Variants in ATP5MC3 observed in about 807,000 individuals in gnomAD.
The protein encoded by ATP5MC3 is ATP synthase F(0) complex subunit C3, mitochondrial.
Under a neutral mutation model 15.6 loss-of-function variants are expected in ATP5MC3, and 6 were observed. The ratio of observed to expected loss-of-function variants is 0.38; its 90% CI spans 0.21 to 0.76. ATP5MC3 has a LOEUF of 0.76. Ranked by LOEUF, ATP5MC3 falls within the 30% of genes least tolerant of loss-of-function variation. ATP5MC3 has a pLI of 0.44. For synonymous variants in ATP5MC3, 66 were observed against 63.3 expected, an observed-to-expected ratio of 1.04 and a Z score of -0.20; for missense variants, 132 against 171.2, an observed-to-expected ratio of 0.77 and a Z score of 1.28.
At position 175,179,026 on chromosome 2, in the gene ATP5MC3, T is replaced by G. The variant is rs767281917; in HGVS notation, c.314+31A>C. 8.1e-6 allele frequency: 13 copies of G among 1,602,732 alleles called. 1 individual carries two copies. The highest frequency in any genetic ancestry group is 1.1e-5 in the Non-Finnish European group (13 of 1,174,298). On this transcript the variant is annotated intron_variant, in intron 4 of 4. Coordinates refer to ENST00000284727, the MANE Select transcript of ATP5MC3 (RefSeq NM_001689.5). ...AAGTTTCCAACTACTGCAAGCATGC[T>G]CTTAACTTATTTAGGGATAGAAATG...
intron 2 of ATP5MC3, among the ~76,000 whole-genome samples, chr2:175,181,017 C>T (rs1342259945): frequency 2.0e-5 from 3 of 152,334 alleles, no homozygotes; most frequent in Non-Finnish European, 2.9e-5. Flanking sequence ...CCTACATCCT[C>T]TGCAGTACTC....
At chr2:175,179,470 T>C (rs1010981417) in intron 3 of ATP5MC3, among the ~76,000 whole-genome samples, 2 of 152,174 alleles carry the variant, frequency 1.3e-5, no homozygotes, top group African/African-American at 2.4e-5. Context: ...TATATAAATA[T>C]GCTTTTAAAT....
Position 175,181,411 on chromosome 2 carries a change from T to C in ATP5MC3, c.-18A>G, listed in dbSNP as rs200125762. ...GCGAACATCTTACACTCTTCGGGACTGCGCGGCTGGAGATATTGGGTGACA... is the reference window on the plus strand; with the variant it reads ...GCGAACATCTTACACTCTTCGGGACCGCGCGGCTGGAGATATTGGGTGACA... On this transcript the variant is annotated 5_prime_UTR_variant, in exon 2 of 5. Transcript: ENST00000284727. 5.0e-6 allele frequency: 8 copies of C among 1,613,242 alleles called. No homozygotes were observed. In the African/African-American group the frequency reaches 6.7e-5, roughly 13 times the overall value.
chr2:175,179,089 T>C lies in ATP5MC3; in HGVS notation c.282A>G (p.Thr94=), dbSNP rs1350107138. The change falls in exon 4 of 5, where the codon ACA becomes ACG. Residue 94 remains threonine (T), a synonymous_variant. Coordinates refer to ENST00000284727, the MANE Select transcript of ATP5MC3 (RefSeq NM_001689.5). ...AACCAATGATAAGGCTGCCAAAGAC[T>C]GTTCCAATACCAGCACCAGAACCAG... ...GVAGSGAGIG[T]VFGSLIIGYA... is the part of the protein sequence containing the mutation. 6.2e-7 allele frequency: 1 copy of C among 1,614,170 alleles called. No individual in the cohort carries two copies. The highest frequency in any genetic ancestry group is 8.5e-7 in the Non-Finnish European group (1 of 1,180,030).
rs1218913726 is a variant in ATP5MC3 at position 175,179,185 on chromosome 2, G to T, written c.186C>A (p.Thr62=). ...TATCAATGTCTCTGCTGATTGCACT[G>T]GTCTGAAACTCCCTTTGGATTAGCT... is the stretch of plus-strand genomic sequence containing the variant. ...VSQLIQREFQ[T]SAISRDIDTA... is the part of the protein sequence containing the mutation. Residue 62 remains threonine (T), a synonymous_variant, in exon 4 of 5, where the codon ACC becomes ACA. Coordinates refer to ENST00000284727, the MANE Select transcript of ATP5MC3 (RefSeq NM_001689.5). The T allele has an allele frequency of 1.9e-6, 3 of 1,614,140 alleles. No individual in the cohort carries two copies. The African/African-American group carries it at 4.0e-5, about 22-fold the overall frequency.
chr2:175,178,967 C>A, intron 4 of ATP5MC3, 90 bp downstream of exon 4: 1 of 1,529,168 alleles, frequency 6.5e-7, no homozygotes, highest in South Asian at 1.3e-5. Flanking sequence ...ACAGAGTAAG[C>A]ACTTAATGCA....
chr2:175,180,128 T>C lies in ATP5MC3; in HGVS notation c.90A>G (p.Leu30=). 1 of 1,601,708 alleles carries C rather than the reference T, an allele frequency of 6.2e-7. No individual in the cohort carries two copies. The highest frequency in any genetic ancestry group is 1.1e-5 in the South Asian group (1 of 87,792). The part of the protein sequence containing the change: ...VAYRPISASV[L]SRPEASRTGE... Reference sequence around the variant, plus strand: ...CAGTCCTACTAGCCTCTGGTCGAGATAACACTGATGCAGAAATTGGTCTGT... The same window carrying C: ...CAGTCCTACTAGCCTCTGGTCGAGACAACACTGATGCAGAAATTGGTCTGT... The change falls in exon 3 of 5, where the codon TTA becomes TTG. Residue 30 remains leucine (L), a synonymous_variant. Coordinates refer to ENST00000284727, the MANE Select transcript of ATP5MC3 (RefSeq NM_001689.5).
intron 2 of ATP5MC3, among the ~76,000 whole-genome samples, 178 bp downstream of exon 2, chr2:175,181,177 G>GA (rs1407489702): frequency 6.6e-6 from 1 of 152,278 alleles, no homozygotes; most frequent in Admixed American, 6.5e-5. Flanking sequence ...TAGTGGCAAG[G>GA]AGAGGGCTGA....
At chr2:175,179,989 G>T in intron 3 of ATP5MC3, 109 bp downstream of exon 3, 1 of 926,940 alleles carries the variant, frequency 1.1e-6, no homozygotes. Flanking sequence ...AAAAGGGTGG[G>T]AAAGACTTGC....
Position 175,181,555 on chromosome 2 carries a change from G to T in ATP5MC3, c.-73-89C>A. On this transcript the variant is annotated intron_variant, in intron 1 of 4. Transcript: ENST00000284727. ...CCGCAGGCTCCCGTGCACGCCGTCA[G>T]CTTGGGCCCCGTGCCCAGTGAGGCG... 3.5e-6 allele frequency: 3 copies of T among 845,542 alleles called. 1 individual carries two copies. Among genetic ancestry groups the T allele is most frequent in the Non-Finnish European group, 5.4e-6 (3 of 553,536 alleles). The allele number at this position is 845,542 out of a possible 1,614,324, so 52.4% of individuals were successfully genotyped here.
Position 175,178,327 on chromosome 2 carries a change from A to G in ATP5MC3, c.390T>C (p.Phe130=), listed in dbSNP as rs1338580288. ...GFALSEAMGL[F]CLMVAFLILF... is the part of the protein sequence containing the mutation. ...AAATCAAGAAAGCAACCATCAAACA[A>G]AAGAGACCCATAGCTTCAGACAAGG... Residue 130 remains phenylalanine (F), a synonymous_variant, in exon 5 of 5, where the codon TTT becomes TTC. Transcript: ENST00000284727. 4 of 1,612,332 alleles carry G rather than the reference A, an allele frequency of 2.5e-6. No individual in the cohort carries two copies. Among genetic ancestry groups the G allele is most frequent in the Non-Finnish European group, 3.4e-6 (4 of 1,179,564 alleles).
intron 3 of ATP5MC3, 29 bp from the exon 4 acceptor site, chr2:175,179,279 C>T (rs778395046): frequency 5.1e-6 from 8 of 1,572,212 alleles, no homozygotes; most frequent in East Asian, 4.5e-5. Flanking sequence ...AGGTAAAGGT[C>T]GTATCAGTAA....
chr2:175,179,392 C>T (rs978001930), intron 3 of ATP5MC3, 142 bp from the exon 4 acceptor site: 9 of 1,107,536 alleles, frequency 8.1e-6, no homozygotes, highest in Non-Finnish European at 9.7e-6. Context: ...TTAGAATAAT[C>T]TCACTCTTGT....
In ATP5MC3 at chr2:175,180,182, T is replaced by C. The variant is rs1347307050; in HGVS notation, c.40-4A>G. On this transcript the variant is annotated splice_polypyrimidine_tract_variant and splice_region_variant and intron_variant, in intron 2 of 4. Coordinates refer to ENST00000284727, the MANE Select transcript of ATP5MC3 (RefSeq NM_001689.5). ...CAACTCTGGATCCAGCTCGGATCTA[T>C]TAATGAAAAAAAAATAAAGATTTCA... 6.4e-7 allele frequency: 1 copy of C among 1,567,170 alleles called. No homozygotes were observed. Among genetic ancestry groups the C allele is most frequent in the Non-Finnish European group, 8.6e-7 (1 of 1,166,670 alleles).
At position 175,181,655 on chromosome 2, in the gene ATP5MC3, C is replaced by A; in HGVS notation, c.-74+1G>T. 2.0e-6 allele frequency: 1 copy of A among 491,674 alleles called. No individual in the cohort carries two copies. Among genetic ancestry groups the A allele is most frequent in the Non-Finnish European group, 3.6e-6 (1 of 279,384 alleles). 30.5% of individuals were successfully genotyped at this position (491,674 alleles called of 1,614,324 possible). On this transcript the variant is annotated splice_donor_variant, in intron 1 of 4. Coordinates refer to ENST00000284727, the MANE Select transcript of ATP5MC3 (RefSeq NM_001689.5). LOFTEE classifies it low-confidence loss of function (5UTR_SPLICE). ...CCGGGCTCCCTGTGCCCTCCACTTA[C>A]CTTCCCAGGAGGCGGCGGCGGCACG...
chr2:175,180,858 A>T (rs938830193), intron 2 of ATP5MC3, among the ~76,000 whole-genome samples: 2 of 152,184 alleles, frequency 1.3e-5, no homozygotes, highest in African/African-American at 4.8e-5. Flanking sequence ...AATACTCCAG[A>T]GGCAGGAAGA....
In ATP5MC3 at chr2:175,177,009, A is replaced by T. The variant is rs80154192; in HGVS notation, c.*1279T>A. 1.3e-5 allele frequency: 2 copies of T among 152,166 alleles called. No individual in the cohort carries two copies. The highest frequency in any genetic ancestry group is 1.3e-4 in the Admixed American group (2 of 15,268). The allele number at this position is 152,166 out of a possible 1,614,324, so 9.4% of individuals were successfully genotyped here. A position where few individuals can be genotyped will look rare whatever the true frequency, so the allele number is the denominator to read the frequency against. The stretch of plus-strand genomic sequence containing the variant: ...ATATAGACTAGATGATGAATCAACT[A>T]AAAACGAGGTAGCAGCTCTACCTCT... On this transcript the variant is annotated 3_prime_UTR_variant, in exon 5 of 5. Coordinates refer to ENST00000284727, the MANE Select transcript of ATP5MC3 (RefSeq NM_001689.5).
chr2:175,177,038 G>A lies in ATP5MC3; in HGVS notation c.*1250C>T, dbSNP rs1700696346. Reference sequence around the variant, plus strand: ...ACGAGGTAGCAGCTCTACCTCTTTAGCTTTTTGGGGCCTCATTTCACTTTA... The same window carrying A: ...ACGAGGTAGCAGCTCTACCTCTTTAACTTTTTGGGGCCTCATTTCACTTTA... On this transcript the variant is annotated 3_prime_UTR_variant, in exon 5 of 5. Transcript: ENST00000284727. 1 of 152,082 alleles carries A rather than the reference G, an allele frequency of 6.6e-6. No homozygotes were observed. Among genetic ancestry groups the A allele is most frequent in the Non-Finnish European group, 1.5e-5 (1 of 68,002 alleles). The allele number at this position is 152,082 out of a possible 1,614,324, so 9.4% of individuals were successfully genotyped here.
rs1250873902 is a variant in ATP5MC3, at chr2:175,180,282, A to T, written c.40-104T>A. ...GAATTCTAAAAAAGCAAGCAGTAAAAATGAATCAGAAACTTCTGAATTGAC... is the reference window on the plus strand; with the variant it reads ...GAATTCTAAAAAAGCAAGCAGTAAATATGAATCAGAAACTTCTGAATTGAC... On this transcript the variant is annotated intron_variant, in intron 2 of 4. Transcript: ENST00000284727. The T allele has an allele frequency of 3.8e-6, 3 of 791,184 alleles. No homozygotes were observed. The African/African-American group carries it at 5.5e-5, about 14-fold the overall frequency. 49.0% of individuals were successfully genotyped at this position (791,184 alleles called of 1,614,324 possible).
Sources: gnomAD v4.1 joint callset for allele counts (sites outside exome capture counted in the v4.1 genomes callset) on GRCh38, gnomAD v4.1.1 for gene constraint, MANE v1.5 for transcripts, NCBI Gene and HGNC (gene_info 2026-07-23, HGNC 2026-07-21) for gene names.